The following AUTS2 variants were observed in gnomAD, a reference collection of about 807,000 sequenced individuals.
AUTS2 encodes the protein activator of transcription and developmental regulator AUTS2.
A neutral mutation model predicts 112.4 loss-of-function variants in AUTS2; 17 were observed. The ratio of observed to expected loss-of-function variants is 0.15; its 90% CI spans 0.10 to 0.23. The LOEUF (loss-of-function observed/expected upper bound fraction) is 0.23, where lower values mean the gene tolerates loss of function less well. Ranked by LOEUF, AUTS2 falls within the 10% of genes least tolerant of loss-of-function variation. The probability of loss-of-function intolerance (pLI) is 1.00; values close to 1 mark genes in which losing one functional copy is unlikely to be tolerated. For synonymous variants in AUTS2, 751 were observed against 702.7 expected (o/e 1.07, Z -1.09); for missense variants, 1,510 against 1,701.6 (o/e 0.89, Z 1.98).
intron 1 of AUTS2, among the ~76,000 whole-genome samples, chr7:69,794,039 G>C (rs891369236): frequency 1.3e-5 from 2 of 152,212 alleles, no homozygotes; most frequent in Non-Finnish European, 2.9e-5. Flanking sequence ...TGCTGATTAG[G>C]TAGGATTGGA....
chr7:69,996,585 G>A (rs1030545542), intron 2 of AUTS2, among the ~76,000 whole-genome samples: 1 of 152,140 alleles, frequency 6.6e-6, no homozygotes, highest in Non-Finnish European at 1.5e-5. Flanking sequence ...CCCACTGCCA[G>A]TATTTACATG....
At chr7:70,769,896 A>G (rs536418883) in intron 10 of AUTS2, among the ~76,000 whole-genome samples, 1 of 152,190 alleles carries the variant, frequency 6.6e-6, no homozygotes, top group Non-Finnish European at 1.5e-5. Flanking sequence ...ATAGTCAGCT[A>G]TATTTATATT....
intron 5 of AUTS2, among the ~76,000 whole-genome samples, chr7:70,571,824 T>C (rs1801954982): frequency 6.6e-6 from 1 of 152,020 alleles, no homozygotes; most frequent in South Asian, 2.1e-4. Context: ...TTTGCAGGGG[T>C]GAAGCAGGAG....
chr7:70,602,576 G>A (rs1331365591), intron 5 of AUTS2, among the ~76,000 whole-genome samples: 3 of 152,204 alleles, frequency 2.0e-5, no homozygotes, highest in Non-Finnish European at 2.9e-5. Context: ...ATCACCCTGA[G>A]TCTCATTGAA....
At chr7:70,450,037 T>G (rs966001954) in intron 5 of AUTS2, among the ~76,000 whole-genome samples, 31 of 152,186 alleles carry the variant, frequency 2.0e-4, no homozygotes, top group African/African-American at 5.3e-4. Context: ...GAATCCAATT[T>G]GCATGCCATG....
At chr7:69,622,940 G>A (rs1277510270) in intron 1 of AUTS2, among the ~76,000 whole-genome samples, 3 of 152,148 alleles carry the variant, frequency 2.0e-5, no homozygotes, top group Non-Finnish European at 2.9e-5. Flanking sequence ...CTGGATGGGT[G>A]GATGGATGGA....
intron 1 of AUTS2, among the ~76,000 whole-genome samples, chr7:69,872,522 A>G (rs904249274): frequency 1.3e-5 from 2 of 152,226 alleles, no homozygotes; most frequent in Non-Finnish European, 2.9e-5. Flanking sequence ...TCGGGGTACT[A>G]GAGTATCTAA....
At chr7:70,124,684 C>A (rs1185742484) in intron 3 of AUTS2, among the ~76,000 whole-genome samples, 1 of 151,908 alleles carries the variant, frequency 6.6e-6, no homozygotes, top group Non-Finnish European at 1.5e-5. Context: ...TGCCTCAGTC[C>A]CCCGAGTAGC....
At chr7:70,700,737 G>GTT in intron 6 of AUTS2, among the ~76,000 whole-genome samples, 1 of 152,310 alleles carries the variant, frequency 6.6e-6, no homozygotes, top group South Asian at 2.1e-4. Context: ...TTCAGGACAG[G>GTT]TGCAGAGTCT....
chr7:70,186,580 A>T (rs1809616321), intron 4 of AUTS2, among the ~76,000 whole-genome samples: 1 of 152,062 alleles, frequency 6.6e-6, no homozygotes, highest in Non-Finnish European at 1.5e-5. Flanking sequence ...AATTTAATTT[A>T]ATTTTTTGAG....
At chr7:70,431,392 T>TTTTG (rs1405744330) in intron 4 of AUTS2, among the ~76,000 whole-genome samples, 3 of 152,158 alleles carry the variant, frequency 2.0e-5, no homozygotes, top group Non-Finnish European at 2.9e-5. Flanking sequence ...AATATGTTTT[T>TTTTG]TTTGTTTGTT....
chr7:69,667,985 A>G (rs1796148477), intron 1 of AUTS2, among the ~76,000 whole-genome samples: 1 of 152,222 alleles, frequency 6.6e-6, no homozygotes, highest in African/African-American at 2.4e-5. Context: ...ACCAAGTCTA[A>G]TAATCCTTTT....
intron 6 of AUTS2, among the ~76,000 whole-genome samples, chr7:70,703,974 A>G (rs1246189745): frequency 6.6e-6 from 1 of 152,188 alleles, no homozygotes; most frequent in Non-Finnish European, 1.5e-5. Context: ...TGCAAATAGC[A>G]TGCAATCAGC....
chr7:70,057,067 G>A (rs1012373589), intron 2 of AUTS2, among the ~76,000 whole-genome samples: 1 of 152,080 alleles, frequency 6.6e-6, no homozygotes, highest in Non-Finnish European at 1.5e-5. Flanking sequence ...TTCCAGCCAG[G>A]TCTCAGGGGC....
intron 2 of AUTS2, among the ~76,000 whole-genome samples, chr7:69,921,762 T>TA (rs35008506): frequency 0.078 from 7,792 of 100,526 alleles, 332 homozygotes; most frequent in African/African-American, 0.13. Flanking sequence ...ACTCTGTCTT[T>TA]AAAAAAAAAA....
chr7:70,004,785 T>C (rs1799468264), intron 2 of AUTS2, among the ~76,000 whole-genome samples: 1 of 151,580 alleles, frequency 6.6e-6, no homozygotes, highest in African/African-American at 2.4e-5. Context: ...AACAACAGCG[T>C]GGAGTCTACA....
chr7:70,168,707 G>A (rs1313222980), intron 4 of AUTS2, among the ~76,000 whole-genome samples: 3 of 152,142 alleles, frequency 2.0e-5, no homozygotes, highest in Admixed American at 6.5e-5. Context: ...TTCTCGATAT[G>A]TATTGAAAAT....
intron 4 of AUTS2, among the ~76,000 whole-genome samples, chr7:70,139,978 G>A (rs987547718): frequency 2.0e-5 from 3 of 152,160 alleles, no homozygotes; most frequent in Non-Finnish European, 4.4e-5. Context: ...TCCAGCCTGG[G>A]TGACAAGAGC....
chr7:70,117,176 G>C (rs989043815), intron 2 of AUTS2, among the ~76,000 whole-genome samples: 1 of 127,346 alleles, frequency 7.9e-6, no homozygotes, highest in South Asian at 2.5e-4. Context: ...TCAGCACTTA[G>C]TTCTAGCCCA....
Sources: allele counts gnomAD v4.1 joint callset (sites outside exome capture counted in the v4.1 genomes callset), GRCh38; gene constraint gnomAD v4.1.1; transcripts MANE v1.5; gene names NCBI Gene and HGNC (gene_info 2026-07-23, HGNC 2026-07-21).